SEC23IP: variants seen among roughly 807,000 people sequenced by gnomAD.
The protein encoded by SEC23IP is SEC23-interacting protein.
In SEC23IP, 70 loss-of-function variants were observed where a neutral mutation model predicts 113.4. That is an observed-to-expected ratio of 0.62 (90% CI 0.51 to 0.75). The LOEUF (loss-of-function observed/expected upper bound fraction) is 0.75, where lower values mean the gene tolerates loss of function less well. SEC23IP is among the 30% of genes least tolerant of loss of function. The pLI is 0.00. For synonymous variants in SEC23IP, 398 were observed against 421.0 expected (o/e 0.95, Z 0.67); for missense variants, 1,160 against 1,204.9 (o/e 0.96, Z 0.55).
In SEC23IP at chr10:119,898,315, G is replaced by A. The variant is rs141255699; in HGVS notation, c.164-112G>A. On this transcript the variant is annotated intron_variant, in intron 1 of 18. Coordinates refer to ENST00000369075, the MANE Select transcript of SEC23IP (RefSeq NM_007190.4). The stretch of plus-strand genomic sequence containing the variant: ...TGTTTTTTTCTGTAATGCAGAAATA[G>A]CAAGTTTGAAGAACAAATAAGGAAG... The A allele has an allele frequency of 2.4e-3, 3,249 of 1,350,236 alleles. 6 individuals are homozygous for A. The highest frequency in any genetic ancestry group is 2.8e-3 in the Non-Finnish European group (2,917 of 1,044,832). The allele number at this position is 1,350,236 out of a possible 1,614,324, so 83.6% of individuals were successfully genotyped here.
intron 12 of SEC23IP, among the ~76,000 whole-genome samples, chr10:119,922,629 A>G (rs1049609962): frequency 4.6e-5 from 7 of 152,152 alleles, no homozygotes; most frequent in Admixed American, 3.9e-4. Context: ...AGTGACTGAA[A>G]GAGAGATGAT....
At chr10:119,918,144 A>G in intron 9 of SEC23IP, 100 bp downstream of exon 9, 1 of 1,023,986 alleles carries the variant, frequency 9.8e-7, no homozygotes, top group Non-Finnish European at 1.4e-6. Flanking sequence ...AGAATTACAG[A>G]TTTTAAGTTT....
At chr10:119,924,231 C>A (rs950307304) in intron 12 of SEC23IP, among the ~76,000 whole-genome samples, 1 of 152,140 alleles carries the variant, frequency 6.6e-6, no homozygotes, top group African/African-American at 2.4e-5. Context: ...ATAATAAGAT[C>A]ATTTTGGCCA....
intron 8 of SEC23IP, 111 bp from the exon 9 acceptor site, chr10:119,917,725 C>A (rs1200083630): frequency 5.5e-6 from 4 of 725,188 alleles, no homozygotes; most frequent in Non-Finnish European, 9.0e-6. Flanking sequence ...AACTCATAGT[C>A]TGTGGGGTTT....
intron 18 of SEC23IP, among the ~76,000 whole-genome samples, chr10:119,936,820 C>A (rs1444574348): frequency 6.6e-6 from 1 of 151,764 alleles, no homozygotes; most frequent in Non-Finnish European, 1.5e-5. Flanking sequence ...TGTCAGTTGC[C>A]TGTTCATGAC....
At chr10:119,903,923 T>C (rs765994802) in intron 3 of SEC23IP, among the ~76,000 whole-genome samples, 161 bp from the exon 4 acceptor site, 41 of 152,324 alleles carry the variant, frequency 2.7e-4, no homozygotes, top group Non-Finnish European at 5.1e-4. Context: ...GGTTTCACCA[T>C]TGGCCAGGCT....
rs1855992277 is a variant in SEC23IP at position 119,942,439 on chromosome 10, A to G, written c.*1874A>G. On this transcript the variant is annotated 3_prime_UTR_variant, in exon 19 of 19. Transcript: ENST00000369075. ...CCTGAGGGTAGAGTCTTTATGTATG[A>G]ACATATTGTTCACTGTTGTAACCAC... 6.6e-6 allele frequency: 1 copy of G among 152,142 alleles called. No individual in the cohort carries two copies. Among genetic ancestry groups the G allele is most frequent in the African/African-American group, 2.4e-5 (1 of 41,420 alleles). The allele number at this position is 152,142 out of a possible 1,614,324, so 9.4% of individuals were successfully genotyped here. A position where few individuals can be genotyped will look rare whatever the true frequency, so the allele number is the denominator to read the frequency against.
In SEC23IP at chr10:119,898,915, C is replaced by G. The variant is rs949444028; in HGVS notation, c.652C>G (p.Pro218Ala). ...GPPAHPPPSG[P>A]PVQMYQMPPG... ...TCCTGCTCATCCTCCACCTTCTGGA[C>G]CCCCTGTTCAGATGTACCAGATGCC... The change falls in exon 2 of 19, where the codon CCC becomes GCC. Residue 218 changes from proline to alanine, a missense_variant. Physicochemically the swap from Pro to Ala is conservative, Grantham distance 27 (BLOSUM62 -1). Coordinates refer to ENST00000369075, the MANE Select transcript of SEC23IP (RefSeq NM_007190.4). 1.2e-6 allele frequency: 2 copies of G among 1,600,778 alleles called. No homozygotes were observed. Among genetic ancestry groups the G allele is most frequent in the East Asian group, 2.2e-5 (1 of 44,888 alleles).
chr10:119,897,538 G>A (rs7089740), intron 1 of SEC23IP, among the ~76,000 whole-genome samples: 9,311 of 152,246 alleles, frequency 0.061, 331 homozygotes, highest in Non-Finnish European at 0.08. Flanking sequence ...CAAATACCAC[G>A]TGTTCATTTG....
chr10:119,915,005 A>G (rs1049674928), intron 7 of SEC23IP, among the ~76,000 whole-genome samples, 186 bp downstream of exon 7: 18 of 152,216 alleles, frequency 1.2e-4, no homozygotes, highest in Non-Finnish European at 1.6e-4. Context: ...TATGTGACGC[A>G]TACAATCCCA....
intron 16 of SEC23IP, among the ~76,000 whole-genome samples, chr10:119,932,645 A>G (rs1855644109): frequency 6.6e-6 from 1 of 152,222 alleles, no homozygotes; most frequent in African/African-American, 2.4e-5. Context: ...ACTCAATCTG[A>G]GAGGTTTTCT....
intron 12 of SEC23IP, among the ~76,000 whole-genome samples, chr10:119,923,618 G>A (rs1213161619): frequency 6.6e-6 from 1 of 150,522 alleles, no homozygotes; most frequent in Non-Finnish European, 1.5e-5. Flanking sequence ...GCACGATCTC[G>A]GCTCACTGCA....
chr10:119,905,689 TA>T (rs1319602601), intron 4 of SEC23IP, among the ~76,000 whole-genome samples: 2 of 152,198 alleles, frequency 1.3e-5, no homozygotes, highest in Non-Finnish European at 2.9e-5. Context: ...AGAACACCTT[TA>T]ATTTGATGAA....
At position 119,892,824 on chromosome 10, in the gene SEC23IP, C is replaced by T. The variant is rs1463096263; in HGVS notation, c.42C>T (p.Ser14=). The T allele has an allele frequency of 1.2e-6, 2 of 1,613,148 alleles. No individual in the cohort carries two copies. Among genetic ancestry groups the T allele is most frequent in the Admixed American group, 1.7e-5 (1 of 59,956 alleles). The part of the protein sequence containing the change: ...RKPNGGSGGA[S]TSSSGTNLLF... ...CTAACGGTGGCAGCGGCGGCGCCTC[C>T]ACTTCCTCATCGGGCACTAACTTAC... The change falls in exon 1 of 19, where the codon TCC becomes TCT. Residue 14 remains serine (S), a synonymous_variant. Transcript: ENST00000369075.
chr10:119,894,892 C>CTGTGTGTGTGTGTGTGTG (rs3065498), intron 1 of SEC23IP, among the ~76,000 whole-genome samples: 5 of 143,502 alleles, frequency 3.5e-5, no homozygotes, highest in Non-Finnish European at 7.7e-5. Flanking sequence ...TGGAGACAGT[C>CTGTGTGTGTGTGTGTGTG]TGTGTGTGTG....
In SEC23IP at chr10:119,892,817, G is replaced by C. The variant is rs1440497106; in HGVS notation, c.35G>C (p.Gly12Ala). The C allele has an allele frequency of 1.2e-6, 2 of 1,612,744 alleles. No individual in the cohort carries two copies. The highest frequency in any genetic ancestry group is 2.7e-5 in the African/African-American group (2 of 74,934). The change falls in exon 1 of 19, where the codon GGC (glycine) becomes GCC (alanine). Residue 12 changes from glycine to alanine, a missense_variant. Transcript: ENST00000369075. ...AERKPNGGSG[G>A]ASTSSSGTNL... ...AGAAAACCTAACGGTGGCAGCGGCG[G>C]CGCCTCCACTTCCTCATCGGGCACT... is the stretch of plus-strand genomic sequence containing the variant.
intron 13 of SEC23IP, 110 bp downstream of exon 13, chr10:119,926,337 G>A: frequency 8.5e-7 from 1 of 1,179,888 alleles, no homozygotes; most frequent in Non-Finnish European, 1.2e-6. Context: ...TATTTGTGAT[G>A]TGGAAAAAAC....
At chr10:119,915,652 G>T in intron 7 of SEC23IP, 96 bp from the exon 8 acceptor site, 3 of 849,774 alleles carry the variant, frequency 3.5e-6, no homozygotes, top group Admixed American at 7.6e-5. Context: ...GTATCTTTAT[G>T]TTATTAAAAA....
chr10:119,930,483 A>T, intron 15 of SEC23IP, 52 bp downstream of exon 15: 1 of 1,066,534 alleles, frequency 9.4e-7, no homozygotes, highest in Non-Finnish European at 1.4e-6. Context: ...GTAATCTGTA[A>T]TGAATTATGA....
Sources: allele counts gnomAD v4.1 joint callset (sites outside exome capture counted in the v4.1 genomes callset), GRCh38; gene constraint gnomAD v4.1.1; transcripts MANE v1.5; gene names NCBI Gene and HGNC (gene_info 2026-07-23, HGNC 2026-07-21).